The following SMYD3 variants were observed in gnomAD, a reference collection of about 807,000 sequenced individuals.
SMYD3 encodes histone-lysine N-methyltransferase SMYD3.
In SMYD3, 36 loss-of-function variants were observed where a neutral mutation model predicts 57.7. The observed-to-expected ratio is 0.62, with a 90% CI of 0.48 to 0.82. The LOEUF (loss-of-function observed/expected upper bound fraction) is 0.82. SMYD3 is among the 40% of genes least tolerant of loss of function. SMYD3 has a pLI of 0.00. For synonymous variants in SMYD3, 211 were observed against 195.0 expected (o/e 1.08, Z -0.68); for missense variants, 515 against 538.8 (o/e 0.96, Z 0.44).
In SMYD3 at chr1:245,764,190, C is replaced by T. The variant is rs1310221310; in HGVS notation, c.1077-41G>A. ...CGGCAAACAGTGTCAGCAGCCCTCA[C>T]CTTTGCAGTCAGCATTTCATCAGGA... On this transcript the variant is annotated intron_variant, in intron 10 of 11. Transcript: ENST00000490107. 5.1e-6 allele frequency: 7 copies of T among 1,363,908 alleles called. No individual in the cohort carries two copies. The African/African-American group carries it at 7.1e-5, about 14-fold the overall frequency. 84.5% of individuals were successfully genotyped at this position (1,363,908 alleles called of 1,614,324 possible). A position where few individuals can be genotyped will look rare whatever the true frequency, so the allele number is the denominator to read the frequency against.
At chr1:246,053,320 T>C (rs2148331946) in intron 5 of SMYD3, among the ~76,000 whole-genome samples, 1 of 151,936 alleles carries the variant, frequency 6.6e-6, no homozygotes, top group East Asian at 1.9e-4. Flanking sequence ...TTTAAAAAGC[T>C]AACAAGCTGA....
intron 5 of SMYD3, among the ~76,000 whole-genome samples, chr1:245,992,227 C>T (rs1428712095): frequency 7.2e-5 from 4 of 55,474 alleles, no homozygotes; most frequent in African/African-American, 2.5e-4. Context: ...ACCTCAGAAA[C>T]GGCCTGCCGT....
chr1:246,093,606 G>A (rs1416480059), intron 5 of SMYD3, among the ~76,000 whole-genome samples: 3 of 152,116 alleles, frequency 2.0e-5, no homozygotes, highest in East Asian at 1.9e-4. Flanking sequence ...CAGCGGCTGC[G>A]AACAGTAGTG....
intron 10 of SMYD3, among the ~76,000 whole-genome samples, chr1:245,798,100 T>A (rs9793037): frequency 0.66 from 100,250 of 151,522 alleles, 34,048 homozygotes; most frequent in East Asian, 0.89. Context: ...TTTTTTTTTT[T>A]AAAATATGCA....
intron 5 of SMYD3, among the ~76,000 whole-genome samples, chr1:246,119,774 C>T (rs924178291): frequency 3.9e-5 from 6 of 152,130 alleles, no homozygotes; most frequent in African/African-American, 1.4e-4. Flanking sequence ...CCTGCTGCCT[C>T]GCCAGTTTCA....
intron 1 of SMYD3, among the ~76,000 whole-genome samples, chr1:246,372,554 GT>G (rs1171504850): frequency 6.6e-6 from 1 of 152,172 alleles, no homozygotes; most frequent in Non-Finnish European, 1.5e-5. Context: ...TTTGCATAGA[GT>G]AGGTACAGAA....
chr1:246,263,058 A>C (rs888822109), intron 5 of SMYD3, among the ~76,000 whole-genome samples: 7 of 152,188 alleles, frequency 4.6e-5, no homozygotes, highest in Non-Finnish European at 4.4e-5. Context: ...TACAAATATC[A>C]CATGGGAATG....
intron 11 of SMYD3, among the ~76,000 whole-genome samples, chr1:245,751,235 T>C (rs72766606): frequency 0.054 from 8,279 of 152,262 alleles, 369 homozygotes; most frequent in African/African-American, 0.11. Context: ...TTCTTGGATA[T>C]TTAAGAGCAA....
chr1:246,208,637 A>C (rs2063037519), intron 5 of SMYD3, among the ~76,000 whole-genome samples: 1 of 152,200 alleles, frequency 6.6e-6, no homozygotes, highest in Non-Finnish European at 1.5e-5. Flanking sequence ...ACATACGTCT[A>C]GAAAACTGTT....
At chr1:246,287,005 G>A (rs2064582385) in intron 5 of SMYD3, among the ~76,000 whole-genome samples, 1 of 151,618 alleles carries the variant, frequency 6.6e-6, no homozygotes, top group African/African-American at 2.4e-5. Flanking sequence ...CGAGTAGCTG[G>A]GATTACAGTT....
intron 10 of SMYD3, among the ~76,000 whole-genome samples, chr1:245,843,801 T>C (rs149747585): frequency 5.3e-5 from 8 of 152,256 alleles, no homozygotes; most frequent in Non-Finnish European, 1.2e-4. Flanking sequence ...AGTTAGTTTG[T>C]TTTGTACTTT....
At chr1:246,173,471 C>T (rs541641802) in intron 5 of SMYD3, among the ~76,000 whole-genome samples, 1 of 152,212 alleles carries the variant, frequency 6.6e-6, no homozygotes, top group Admixed American at 6.5e-5. Context: ...AACCTTTTGA[C>T]TCTTGTAATA....
chr1:245,946,198 AG>A (rs2057423970), intron 5 of SMYD3, among the ~76,000 whole-genome samples: 1 of 152,182 alleles, frequency 6.6e-6, no homozygotes, highest in Admixed American at 6.5e-5. Context: ...TTCTCTGAAG[AG>A]CCAGAAAGGA....
intron 10 of SMYD3, among the ~76,000 whole-genome samples, chr1:245,805,665 T>C (rs1030497030): frequency 4.6e-5 from 7 of 152,222 alleles, no homozygotes; most frequent in African/African-American, 2.4e-5. Context: ...TTTTTTACCA[T>C]CTATTAGTCA....
chr1:246,193,669 A>G (rs1448456046), intron 5 of SMYD3: 6 of 152,322 alleles, frequency 3.9e-5, no homozygotes, highest in Non-Finnish European at 7.3e-5. Flanking sequence ...GAGGCCTTAC[A>G]GTTACCTTAG....
chr1:246,164,232 C>T (rs2062167297), intron 5 of SMYD3, among the ~76,000 whole-genome samples: 1 of 152,054 alleles, frequency 6.6e-6, no homozygotes, highest in African/African-American at 2.4e-5. Context: ...ACCAGACTGG[C>T]CAATATGGTG....
chr1:246,077,020 G>T (rs1289292886), intron 5 of SMYD3, among the ~76,000 whole-genome samples: 1 of 151,352 alleles, frequency 6.6e-6, no homozygotes, highest in Non-Finnish European at 1.5e-5. Flanking sequence ...GAGGTTTTCA[G>T]AGGTAAGCTG....
intron 10 of SMYD3, among the ~76,000 whole-genome samples, chr1:245,855,370 T>G (rs1246620761): frequency 6.6e-6 from 1 of 152,096 alleles, no homozygotes; most frequent in Non-Finnish European, 1.5e-5. Flanking sequence ...AAAGGCTGAG[T>G]AGACTTTCAT....
intron 5 of SMYD3, among the ~76,000 whole-genome samples, chr1:246,131,507 C>A (rs955862908): frequency 1.3e-5 from 2 of 152,156 alleles, no homozygotes; most frequent in African/African-American, 2.4e-5. Context: ...ATGATAATAA[C>A]AAGGAAAGAA....
Sources: gnomAD v4.1 joint callset for allele counts (sites outside exome capture counted in the v4.1 genomes callset) on GRCh38, gnomAD v4.1.1 for gene constraint, MANE v1.5 for transcripts, NCBI Gene and HGNC (gene_info 2026-07-23, HGNC 2026-07-21) for gene names.